Variants in THEMIS observed in about 807,000 individuals in gnomAD.
THEMIS encodes the protein protein THEMIS.
THEMIS carries 37 observed loss-of-function variants against 52.6 expected under a neutral mutation model. The observed-to-expected ratio is 0.70, with a 90% CI of 0.54 to 0.93. THEMIS has a LOEUF of 0.93. Ranked by LOEUF, THEMIS falls within the 40% of genes least tolerant of loss-of-function variation. The pLI is 0.00. For synonymous variants in THEMIS, 292 were observed against 272.7 expected (o/e 1.07, Z -0.70); for missense variants, 808 against 763.1 (o/e 1.06, Z -0.69).
intron 3 of THEMIS, among the ~76,000 whole-genome samples, chr6:127,829,113 C>A (rs1457180855): frequency 6.6e-6 from 1 of 152,098 alleles, no homozygotes; most frequent in Admixed American, 6.5e-5. Flanking sequence ...TGTTGACCAC[C>A]TCCATACAAG....
chr6:127,844,460 T>A (rs983532169), intron 2 of THEMIS, among the ~76,000 whole-genome samples: 2 of 151,782 alleles, frequency 1.3e-5, no homozygotes, highest in African/African-American at 2.4e-5. Flanking sequence ...ATTCATAGAG[T>A]ATAGTCTAAA....
At chr6:127,723,822 A>C (rs542860229) in intron 4 of THEMIS, among the ~76,000 whole-genome samples, 1 of 152,130 alleles carries the variant, frequency 6.6e-6, no homozygotes, top group Non-Finnish European at 1.5e-5. Context: ...CTTCTACTAT[A>C]ATGCAATTTT....
At chr6:127,805,764 G>A (rs1777681972) in intron 4 of THEMIS, among the ~76,000 whole-genome samples, 2 of 152,030 alleles carry the variant, frequency 1.3e-5, no homozygotes, top group Non-Finnish European at 2.9e-5. Context: ...TAACTTGCAA[G>A]GAACTGGGGA....
In THEMIS at chr6:127,857,736, T is replaced by C. The variant is rs562428284; in HGVS notation, c.92-2548A>G. 1.2e-4 allele frequency among the ~76,000 whole-genome samples: 19 copies of C among 152,144 alleles called. No individual in the cohort carries two copies. In the East Asian group the frequency reaches 3.3e-3, roughly 26 times the overall value. On this transcript the variant is annotated intron_variant, in intron 1 of 5. Transcript: ENST00000368248. ...CCTACTGAATCAGAACCTGTGTTTT[T>C]AACAAGATCCCTAGATGATTTATAA...
intron 1 of THEMIS, among the ~76,000 whole-genome samples, chr6:127,896,001 C>T (rs935822170): frequency 6.6e-6 from 1 of 151,124 alleles, no homozygotes; most frequent in Non-Finnish European, 1.5e-5. Context: ...GAAATATGAC[C>T]CCATTGGTTG....
intron 5 of THEMIS, 114 bp from the exon 6 acceptor site, chr6:127,710,130 G>A (rs780839041): frequency 2.3e-5 from 14 of 611,108 alleles, no homozygotes; most frequent in East Asian, 3.3e-5. Context: ...TTTGAGAAAC[G>A]GTTGGAAGCA....
At chr6:127,817,020 T>A (rs959014269) in intron 3 of THEMIS, among the ~76,000 whole-genome samples, 10 of 152,246 alleles carry the variant, frequency 6.6e-5, no homozygotes, top group African/African-American at 1.2e-4. Context: ...AAAATTGCAA[T>A]CTTCTCTTCT....
chr6:127,864,361 G>A, intron 1 of THEMIS, among the ~76,000 whole-genome samples: 1 of 152,018 alleles, frequency 6.6e-6, no homozygotes, highest in Non-Finnish European at 1.5e-5. Flanking sequence ...CAAAGCTTTT[G>A]ATTTACAAGA....
intron 4 of THEMIS, among the ~76,000 whole-genome samples, chr6:127,803,980 T>C (rs532742720): frequency 6.6e-6 from 1 of 152,226 alleles, no homozygotes; most frequent in South Asian, 2.1e-4. Flanking sequence ...AACAGAAAAA[T>C]ATGACACCAT....
chr6:127,880,197 T>C (rs1780438667), intron 1 of THEMIS, among the ~76,000 whole-genome samples: 1 of 152,178 alleles, frequency 6.6e-6, no homozygotes, highest in South Asian at 2.1e-4. Context: ...CAAAGTAAAT[T>C]TGCGTCAAAC....
intron 1 of THEMIS, among the ~76,000 whole-genome samples, chr6:127,886,133 C>T (rs867432443): frequency 1.8e-4 from 28 of 152,178 alleles, no homozygotes; most frequent in Middle Eastern, 3.4e-3. Flanking sequence ...AAGAGGTTTC[C>T]CTCAACTTGA....
intron 2 of THEMIS, among the ~76,000 whole-genome samples, chr6:127,854,732 C>A (rs982883361): frequency 1.3e-5 from 2 of 151,740 alleles, no homozygotes; most frequent in Non-Finnish European, 2.9e-5. Context: ...TCTTTGATTT[C>A]TTGGTTCTCA....
chr6:127,810,666 C>A (rs1777872535), intron 4 of THEMIS, among the ~76,000 whole-genome samples: 1 of 152,116 alleles, frequency 6.6e-6, no homozygotes. Context: ...ATTACTGAGT[C>A]TGTGGTATTA....
chr6:127,775,827 C>T (rs1229739167), intron 4 of THEMIS, among the ~76,000 whole-genome samples: 2 of 152,120 alleles, frequency 1.3e-5, no homozygotes, highest in African/African-American at 4.8e-5. Flanking sequence ...ACCTTTCTCT[C>T]TCTTTTTAAT....
At position 127,768,651 on chromosome 6, in the gene THEMIS, T is replaced by C. The variant is rs569197563; in HGVS notation, c.1758+44232A>G. Among the ~76,000 whole-genome samples the C allele has an allele frequency of 3.2e-4, 49 of 152,324 alleles. No homozygotes were observed. In the South Asian group the frequency reaches 7.0e-3, roughly 22 times the overall value. ...ATTTTTTAAATTCAAGTTATTGAAA[T>C]CAGACAGCACAATTAGCTGAATTAC... On this transcript the variant is annotated intron_variant, in intron 4 of 5. Transcript: ENST00000368248.
At chr6:127,914,949 C>A (rs1168500444) in intron 1 of THEMIS, among the ~76,000 whole-genome samples, 1 of 152,114 alleles carries the variant, frequency 6.6e-6, no homozygotes, top group Non-Finnish European at 1.5e-5. Context: ...ACACTTTGAC[C>A]TGATTTTACA....
intron 4 of THEMIS, among the ~76,000 whole-genome samples, chr6:127,723,692 C>T (rs1252883732): frequency 6.6e-6 from 1 of 151,910 alleles, no homozygotes; most frequent in East Asian, 1.9e-4. Flanking sequence ...ATTCTGTTTG[C>T]CTAGGGCATT....
At chr6:127,837,470 G>A (rs1258380888) in intron 2 of THEMIS, among the ~76,000 whole-genome samples, 2 of 152,000 alleles carry the variant, frequency 1.3e-5, no homozygotes, top group Admixed American at 1.3e-4. Flanking sequence ...GAAGAATTTT[G>A]TAAGATAAAT....
intron 4 of THEMIS, among the ~76,000 whole-genome samples, chr6:127,721,533 G>A (rs1774362101): frequency 6.6e-6 from 1 of 151,946 alleles, no homozygotes; most frequent in Non-Finnish European, 1.5e-5. Context: ...CTTTTCTAAT[G>A]ACCAAGGAAG....
Sources: gnomAD v4.1 joint callset for allele counts (sites outside exome capture counted in the v4.1 genomes callset) on GRCh38, gnomAD v4.1.1 for gene constraint, MANE v1.5 for transcripts, NCBI Gene and HGNC (gene_info 2026-07-23, HGNC 2026-07-21) for gene names.